Variants in PCGF3 observed in about 807,000 individuals in gnomAD.
PCGF3 encodes the protein polycomb group ring finger 3.
In PCGF3, 7 loss-of-function variants were observed where a neutral mutation model predicts 33.1. The observed-to-expected ratio is 0.21, with a 90% CI of 0.12 to 0.40. The LOEUF is 0.40. Ranked by LOEUF, PCGF3 falls within the 10% of genes least tolerant of loss-of-function variation. The pLI, the probability that PCGF3 is intolerant of heterozygous loss-of-function variation, is 1.00. For synonymous variants in PCGF3, 153 were observed against 121.3 expected (o/e 1.26, Z -1.72); for missense variants, 211 against 313.3 (o/e 0.67, Z 2.46).
chr4:742,997 C>T (rs1224478060), intron 6 of PCGF3, among the ~76,000 whole-genome samples: 2 of 152,238 alleles, frequency 1.3e-5, no homozygotes, highest in Admixed American at 6.5e-5. Flanking sequence ...TGCCACTGCG[C>T]AGGAGCGTGG....
At chr4:763,230 G>C (rs115022767) in intron 9 of PCGF3, among the ~76,000 whole-genome samples, 3 of 152,214 alleles carry the variant, frequency 2.0e-5, no homozygotes, top group Non-Finnish European at 4.4e-5. Context: ...CAGAAAAGAT[G>C]GATGGTAGCT....
intron 1 of PCGF3, among the ~76,000 whole-genome samples, chr4:724,507 C>G (rs1037795065): frequency 6.6e-6 from 1 of 152,212 alleles, no homozygotes; most frequent in Admixed American, 6.5e-5. Context: ...TTATTTACTT[C>G]ATAAAATACT....
Position 742,430 on chromosome 4 carries a change from G to A in PCGF3, c.263-1044G>A, listed in dbSNP as rs112764736. Among the ~76,000 whole-genome samples, 52 of 152,362 alleles carry A rather than the reference G, an allele frequency of 3.4e-4. 1 individual carries two copies. The highest frequency in any genetic ancestry group is 1.2e-3 in the African/African-American group (51 of 41,594). On this transcript the variant is annotated intron_variant, in intron 6 of 10. Transcript: ENST00000362003. Reference sequence around the variant, plus strand: ...GAGGAAATCGTGGATAAAAAGTTTGGTGAAGAATTCCTTGGTCACGTAGCA... The same window carrying A: ...GAGGAAATCGTGGATAAAAAGTTTGATGAAGAATTCCTTGGTCACGTAGCA...
rs1219622972 is a variant in PCGF3, at chr4:720,928, G to A, written c.-189-9702G>A. Among the ~76,000 whole-genome samples the A allele has an allele frequency of 1.3e-5, 2 of 152,150 alleles. No individual in the cohort carries two copies. The highest frequency in any genetic ancestry group is 6.5e-5 in the Admixed American group (1 of 15,282). The stretch of plus-strand genomic sequence containing the variant: ...CGGCTTGGAGAAGCCTGTCCTGGGC[G>A]GGTTTCACCACTTGGACGGGAGCTC... On this transcript the variant is annotated intron_variant, in intron 1 of 10. Transcript: ENST00000362003. This position sits in a 1 kb window ranked among gnomAD's most constrained non-coding sequence, Gnocchi z 5.6.
Position 721,350 on chromosome 4 carries a change from T to C in PCGF3, c.-189-9280T>C, listed in dbSNP as rs1437524578. Among the ~76,000 whole-genome samples, 1 of 151,962 alleles carries C rather than the reference T, an allele frequency of 6.6e-6. No individual in the cohort carries two copies. Among genetic ancestry groups the C allele is most frequent in the Non-Finnish European group, 1.5e-5 (1 of 67,986 alleles). On this transcript the variant is annotated intron_variant, in intron 1 of 10. Coordinates refer to ENST00000362003, the Ensembl canonical transcript of PCGF3. This position sits in a 1 kb window ranked among gnomAD's most constrained non-coding sequence, Gnocchi z 4.1. Reference sequence around the variant, plus strand: ...GAAACTTCAAGGCTGTCCTAAGATATGGGTGGCAGAAGAAAATGTGCCCCA... The same window carrying C: ...GAAACTTCAAGGCTGTCCTAAGATACGGGTGGCAGAAGAAAATGTGCCCCA...
rs1455139415 is a variant in PCGF3 at position 721,866 on chromosome 4, AGACT to A, written c.-189-8762_-189-8759del. Among the ~76,000 whole-genome samples, 1 of 140,778 alleles carries A rather than the reference AGACT, an allele frequency of 7.1e-6. No individual in the cohort carries two copies. Among genetic ancestry groups the A allele is most frequent in the African/African-American group, 2.8e-5 (1 of 35,254 alleles). The allele number at this position is 140,778 out of a possible 152,430, so 92.4% of individuals were successfully genotyped here. On this transcript the variant is annotated intron_variant, in intron 1 of 10. Coordinates refer to ENST00000362003, the Ensembl canonical transcript of PCGF3. The surrounding 1 kb of genome is among the most constrained non-coding windows in gnomAD (Gnocchi z 4.1). Reference sequence around the variant, plus strand: ...GTGGGTGTGGAAAGAGGCCTGTGGGAGACTGGTGGATGGGTGGCTCTGCGTGTGG... The same window carrying A: ...GTGGGTGTGGAAAGAGGCCTGTGGGAGGTGGATGGGTGGCTCTGCGTGTGG...
rs548236256 is a variant in PCGF3, at chr4:744,463, T to C, written c.374-137T>C. ...AGACACTTTGCGGACGGCTTTCCTT[T>C]GACGCTTACTCCGCTCCGGGGGTCC... On this transcript the variant is annotated intron_variant, in intron 7 of 10. Coordinates refer to ENST00000362003, the Ensembl canonical transcript of PCGF3. 23 of 673,960 alleles carry C rather than the reference T, an allele frequency of 3.4e-5. 1 individual carries two copies. In the South Asian group the frequency reaches 4.3e-4, roughly 13 times the overall value. 41.7% of individuals were successfully genotyped at this position (673,960 alleles called of 1,614,324 possible).
chr4:719,503 GC>G (rs552058474), intron 1 of PCGF3, among the ~76,000 whole-genome samples: 19 of 152,168 alleles, frequency 1.2e-4, no homozygotes, highest in Admixed American at 3.3e-4. Flanking sequence ...GCTGTGAGCC[GC>G]CCCCCCAGGT....
intron 1 of PCGF3, among the ~76,000 whole-genome samples, chr4:707,690 C>G (rs1742380171): frequency 1.4e-5 from 2 of 140,576 alleles, no homozygotes; most frequent in African/African-American, 5.4e-5. Flanking sequence ...GCTCTGTTTT[C>G]CCCTGGGGGC....
At chr4:741,233 G>C (rs1421505877) in intron 6 of PCGF3, among the ~76,000 whole-genome samples, 1 of 152,204 alleles carries the variant, frequency 6.6e-6, no homozygotes, top group African/African-American at 2.4e-5. Context: ...AAAATGGAAT[G>C]TCTCATCACA....
chr4:721,041 C>T lies in PCGF3; in HGVS notation c.-189-9589C>T, dbSNP rs550549240. ...GCTCAGATGGGAGGCATGGAGCAGA[C>T]GGGACTCCACGTGGCACCACCCCTC... On this transcript the variant is annotated intron_variant, in intron 1 of 10. Coordinates refer to ENST00000362003, the Ensembl canonical transcript of PCGF3. This position sits in a 1 kb window ranked among gnomAD's most constrained non-coding sequence, Gnocchi z 4.1. Among the ~76,000 whole-genome samples the T allele has an allele frequency of 1.4e-4, 22 of 152,068 alleles. No homozygotes were observed. The highest frequency in any genetic ancestry group is 3.2e-4 in the Non-Finnish European group (22 of 68,006).
chr4:738,896 G>A lies in PCGF3; in HGVS notation c.262+1375G>A, dbSNP rs114833381. On this transcript the variant is annotated intron_variant, in intron 6 of 10. Coordinates refer to ENST00000362003, the Ensembl canonical transcript of PCGF3. ...AAATAAATAAAGTGTGCACTGGAGC[G>A]TTTCAAACGCTTAGCAGTGGGCGGG... Among the ~76,000 whole-genome samples, 1,045 of 151,940 alleles carry A rather than the reference G, an allele frequency of 6.9e-3. 9 individuals are homozygous for A. Among genetic ancestry groups the A allele is most frequent in the African/African-American group, 0.024 (977 of 41,438 alleles).
intron 1 of PCGF3, among the ~76,000 whole-genome samples, chr4:726,028 A>G (rs1743320024): frequency 2.0e-5 from 3 of 152,056 alleles, no homozygotes; most frequent in Admixed American, 1.3e-4. Flanking sequence ...CCGTGTGTCC[A>G]TGGAAGTGAA....
intron 1 of PCGF3, among the ~76,000 whole-genome samples, chr4:707,160 G>C (rs1348843547): frequency 6.6e-6 from 1 of 150,664 alleles, no homozygotes; most frequent in African/African-American, 2.4e-5. Context: ...CACCGAGAAG[G>C]GCTGGGACCC....
chr4:710,579 A>C (rs1742521443), intron 1 of PCGF3, among the ~76,000 whole-genome samples: 1 of 152,252 alleles, frequency 6.6e-6, no homozygotes, highest in Non-Finnish European at 1.5e-5. Context: ...GTGACGTGTT[A>C]AGATGAGGAT....
intron 1 of PCGF3, among the ~76,000 whole-genome samples, chr4:717,428 G>A (rs1476252457): frequency 6.6e-6 from 1 of 152,190 alleles, no homozygotes; most frequent in Non-Finnish European, 1.5e-5. Flanking sequence ...CACTCAGACT[G>A]GAGTGCAGTG....
chr4:725,468 C>T (rs578124600), intron 1 of PCGF3, among the ~76,000 whole-genome samples: 4 of 152,284 alleles, frequency 2.6e-5, no homozygotes, highest in South Asian at 4.1e-4. Flanking sequence ...CAGTGCATGG[C>T]GGAGCCGTGT....
chr4:761,414 G>A (rs1303295946), exon 9 of PCGF3: 2 of 1,603,852 alleles, frequency 1.2e-6, no homozygotes, highest in Non-Finnish European at 1.7e-6. Flanking sequence ...ATCCTTTAAC[G>A]AGGTAACAGT....
intron 10 of PCGF3, 144 bp from the exon 11 acceptor site, chr4:765,887 TG>T: frequency 2.9e-6 from 2 of 695,862 alleles, no homozygotes; most frequent in Non-Finnish European, 5.0e-6. Flanking sequence ...ACCCTTCTGT[TG>T]CTCAGAACAG....
Sources: gnomAD v4.1 joint callset for allele counts (sites outside exome capture counted in the v4.1 genomes callset) on GRCh38, gnomAD v4.1.1 for gene constraint, Gnocchi (gnomAD v3.1) non-coding constraint, MANE v1.5 for transcripts, NCBI Gene and HGNC (gene_info 2026-07-23, HGNC 2026-07-21) for gene names.